Variants in NRXN3 observed in about 807,000 individuals in gnomAD.
The protein encoded by NRXN3 is neurexin III.
A neutral mutation model predicts 137.6 loss-of-function variants in NRXN3; 32 were observed. The ratio of observed to expected loss-of-function variants is 0.23; its 90% CI spans 0.18 to 0.31. NRXN3 has a LOEUF of 0.31. Ranked by LOEUF, NRXN3 falls within the 10% of genes least tolerant of loss-of-function variation. The pLI is 1.00. For missense variants in NRXN3, 1,574 were observed against 2,062.5 expected (o/e 0.76, Z 4.59); for synonymous variants, 798 against 784.5 (o/e 1.02, Z -0.29).
chr14:78,259,822 A>G (rs2070377446), intron 2 of NRXN3, among the ~76,000 whole-genome samples: 1 of 152,172 alleles, frequency 6.6e-6, no homozygotes, highest in South Asian at 2.1e-4. Context: ...CACAGGAATT[A>G]TCACCCAGCT....
intron 18 of NRXN3, among the ~76,000 whole-genome samples, chr14:79,693,279 C>A (rs2098722887): frequency 6.6e-6 from 1 of 151,884 alleles, no homozygotes; most frequent in African/African-American, 2.4e-5. Flanking sequence ...GAAGAAGTAA[C>A]CAGGTATATT....
rs979095312 is a variant in NRXN3 at position 78,243,663 on chromosome 14, G to A, written c.570G>A (p.Gly190=). 1.3e-6 allele frequency: 2 copies of A among 1,598,346 alleles called. No individual in the cohort carries two copies. The highest frequency in any genetic ancestry group is 2.7e-5 in the African/African-American group (2 of 74,938). The change falls in exon 2 of 21, where the codon GGG becomes GGA. Residue 190 remains glycine, a synonymous_variant. Coordinates refer to ENST00000335750, the MANE Select transcript of NRXN3 (RefSeq NM_001330195.2). The surrounding 1 kb of genome is among the most constrained non-coding windows in gnomAD (Gnocchi z 4.2). ...KYGNSEPRLL[G]SRGVQMDAEG... Reference sequence around the variant, plus strand: ...GAAACTCGGAGCCTCGGCTTCTGGGGAGCCGGGGTGTCCAGATGGATGCCG... The same window carrying A: ...GAAACTCGGAGCCTCGGCTTCTGGGAAGCCGGGGTGTCCAGATGGATGCCG...
At chr14:78,843,560 A>G (rs942298861) in intron 10 of NRXN3, among the ~76,000 whole-genome samples, 1 of 152,164 alleles carries the variant, frequency 6.6e-6, no homozygotes, top group Admixed American at 6.6e-5. Context: ...CAGACGTAAT[A>G]CTAAGCATGC....
chr14:79,302,435 T>A (rs545112456), intron 15 of NRXN3, among the ~76,000 whole-genome samples: 89 of 151,900 alleles, frequency 5.9e-4, no homozygotes, highest in Non-Finnish European at 1.2e-3. Flanking sequence ...GGCAGGTACG[T>A]CACATGGCAA....
rs1325490998 is a variant in NRXN3, at chr14:78,803,679, A to C, written c.2104A>C (p.Met702Leu). 1 of 1,614,156 alleles carries C rather than the reference A, an allele frequency of 6.2e-7. No homozygotes were observed. The highest frequency in any genetic ancestry group is 1.3e-5 in the African/African-American group (1 of 75,050). The stretch of plus-strand genomic sequence containing the variant: ...CATGAAGATCATCATGCCCATGGTC[A>C]TGCATACTGAGGCAGAGGATGTGTC... ...MYMKIIMPMV[M>L]HTEAEDVSFR... The change falls in exon 9 of 21, where the codon ATG becomes CTG. Residue 702 changes from methionine to leucine, a missense_variant. Physicochemically the swap from Met to Leu is conservative, Grantham distance 15 (BLOSUM62 2). Coordinates refer to ENST00000335750, the MANE Select transcript of NRXN3 (RefSeq NM_001330195.2).
intron 19 of NRXN3, 46 bp from the exon 20 acceptor site, chr14:79,805,066 T>TTC (rs1568310907): frequency 7.4e-7 from 1 of 1,342,740 alleles, no homozygotes; most frequent in African/African-American, 1.4e-5. Context: ...TCTCTCTCTC[T>TTC]TCTCTCTCTT....
intron 15 of NRXN3, among the ~76,000 whole-genome samples, chr14:79,265,334 TA>T (rs1421657514): frequency 6.6e-6 from 1 of 151,644 alleles, no homozygotes; most frequent in Non-Finnish European, 1.5e-5. Flanking sequence ...TTGTCATTTT[TA>T]TTTATGTATT....
chr14:79,217,201 A>G (rs1429795877), intron 15 of NRXN3, among the ~76,000 whole-genome samples: 1 of 152,116 alleles, frequency 6.6e-6, no homozygotes, highest in African/African-American at 2.4e-5. Flanking sequence ...TATAGGCTGT[A>G]TAGGAAGCAT....
At chr14:79,223,564 A>AAATCACATT (rs139959605) in intron 15 of NRXN3, among the ~76,000 whole-genome samples, 4,177 of 152,164 alleles carry the variant, frequency 0.027, 140 homozygotes, top group South Asian at 0.085. Context: ...TCATGTTTTT[A>AAATCACATT]AATCACATTT....
rs769211538 is a variant in NRXN3, at chr14:78,715,128, C to G, written c.2033C>G (p.Thr678Ser). The change falls in exon 8 of 21, where the codon ACC becomes AGC. Residue 678 changes from threonine (T) to serine (S), a missense_variant. Transcript: ENST00000335750. ...DCTGTGYWGR[T>S]CEREASILSY... ...ACCGGCACCGGATACTGGGGAAGAACCTGCGAAAGGGGTGAGTCGGCCTAG... is the reference window on the plus strand; with the variant it reads ...ACCGGCACCGGATACTGGGGAAGAAGCTGCGAAAGGGGTGAGTCGGCCTAG... 6.2e-7 allele frequency: 1 copy of G among 1,607,714 alleles called. No homozygotes were observed. Among genetic ancestry groups the G allele is most frequent in the Non-Finnish European group, 8.5e-7 (1 of 1,177,544 alleles).
intron 19 of NRXN3, among the ~76,000 whole-genome samples, chr14:79,738,064 G>C (rs112949061): frequency 6.6e-6 from 1 of 152,190 alleles, no homozygotes; most frequent in African/African-American, 2.4e-5. Context: ...TCCCACCAGG[G>C]GGATCTAGCT....
intron 4 of NRXN3, among the ~76,000 whole-genome samples, chr14:78,317,020 C>T (rs8004833): frequency 1.4e-4 from 21 of 152,048 alleles, no homozygotes; most frequent in East Asian, 3.9e-4. Context: ...AACTGGCTCA[C>T]GTGATTAGGG....
At chr14:78,752,030 C>G (rs1036427240) in intron 8 of NRXN3, among the ~76,000 whole-genome samples, 5 of 152,162 alleles carry the variant, frequency 3.3e-5, no homozygotes, top group African/African-American at 1.2e-4. Flanking sequence ...AAACCGAAGT[C>G]ACCAATGGCA....
intron 15 of NRXN3, among the ~76,000 whole-genome samples, chr14:79,399,326 C>G (rs1420393793): frequency 1.3e-5 from 2 of 152,136 alleles, no homozygotes; most frequent in Admixed American, 1.3e-4. Context: ...TATACTTCCC[C>G]CAGAGATATT....
intron 15 of NRXN3, among the ~76,000 whole-genome samples, chr14:79,086,450 T>C (rs1252822190): frequency 6.6e-6 from 1 of 152,202 alleles, no homozygotes; most frequent in East Asian, 1.9e-4. Flanking sequence ...AGAAACTATA[T>C]GCTGGGGGAA....
intron 6 of NRXN3, among the ~76,000 whole-genome samples, chr14:78,694,138 A>C (rs1415424950): frequency 2.0e-5 from 3 of 151,874 alleles, no homozygotes; most frequent in African/African-American, 7.3e-5. Flanking sequence ...CCCTGATTTC[A>C]TGGTAGTTTG....
chr14:79,210,712 A>G (rs2067521401), intron 15 of NRXN3, among the ~76,000 whole-genome samples: 2 of 152,182 alleles, frequency 1.3e-5, no homozygotes, highest in South Asian at 2.1e-4. Context: ...CATATTTGCT[A>G]TTGATGCAAC....
chr14:79,385,294 G>A (rs1053981403), intron 15 of NRXN3, among the ~76,000 whole-genome samples: 5 of 143,524 alleles, frequency 3.5e-5, no homozygotes, highest in African/African-American at 1.3e-4. Flanking sequence ...CCACCTATGA[G>A]TGAGAATATG....
Position 78,295,718 on chromosome 14 carries a change from T to C in NRXN3, c.728-2113T>C, listed in dbSNP as rs192012807. 4.5e-3 allele frequency among the ~76,000 whole-genome samples: 684 copies of C among 152,288 alleles called. 8 individuals carry two copies. Among genetic ancestry groups the C allele is most frequent in the African/African-American group, 0.015 (624 of 41,558 alleles). On this transcript the variant is annotated intron_variant, in intron 3 of 20. Transcript: ENST00000335750. Reference sequence around the variant, plus strand: ...GTCTTGGTTCGTGAAGCCCAGGATCTTCGTTTTTTAATAACCATCTCCAGG... The same window carrying C: ...GTCTTGGTTCGTGAAGCCCAGGATCCTCGTTTTTTAATAACCATCTCCAGG...
Sources: gnomAD v4.1 joint callset for allele counts (sites outside exome capture counted in the v4.1 genomes callset) on GRCh38, gnomAD v4.1.1 for gene constraint, Gnocchi (gnomAD v3.1) non-coding constraint, MANE v1.5 for transcripts, NCBI Gene and HGNC (gene_info 2026-07-23, HGNC 2026-07-21) for gene names.